The following PDZD2 variants were observed in gnomAD, a reference collection of about 807,000 sequenced individuals.
The protein encoded by PDZD2 is PDZ domain containing 2, also known as PDZ domain-containing protein 2.
Under a neutral mutation model 220.7 loss-of-function variants are expected in PDZD2, and 90 were observed. That is an observed-to-expected ratio of 0.41 (90% confidence interval 0.34 to 0.49). The LOEUF (loss-of-function observed/expected upper bound fraction) is 0.49, where lower values mean the gene tolerates loss of function less well. Among genes scored for constraint, PDZD2 ranks in the 20% least tolerant of loss-of-function variants. The probability of loss-of-function intolerance (pLI) is 0.28; values close to 1 mark genes in which losing one functional copy is unlikely to be tolerated. For synonymous variants in PDZD2, 1,375 were observed against 1,450.5 expected (o/e 0.95, Z 1.18); for missense variants, 3,174 against 3,608.5 (o/e 0.88, Z 3.08).
chr5:32,108,288 C>CTGTA lies in PDZD2; in HGVS notation c.*157_*160dup, dbSNP rs1267791000. 7.6e-6 allele frequency: 4 copies of CTGTA among 524,426 alleles called. No individual in the cohort carries two copies. The highest frequency in any genetic ancestry group is 5.8e-5 in the African/African-American group (3 of 51,706). 32.5% of individuals were successfully genotyped at this position (524,426 alleles called of 1,614,324 possible). A position where few individuals can be genotyped will look rare whatever the true frequency, so the allele number is the denominator to read the frequency against. ...TGCTTACACATGAAGCCTGACTTAA[C>CTGTA]TGTATGTGCAACAGCAATGAAATTA... On this transcript the variant is annotated 3_prime_UTR_variant, in exon 25 of 25. Transcript: ENST00000438447.
intron 2 of PDZD2, among the ~76,000 whole-genome samples, chr5:31,818,068 C>G (rs1755586520): frequency 6.7e-6 from 1 of 150,344 alleles, no homozygotes; most frequent in Admixed American, 6.7e-5. Context: ...TTCCCGGACT[C>G]AGGTGATCCT....
Position 31,913,562 on chromosome 5 carries a change from C to T in PDZD2, c.477-69593C>T, listed in dbSNP as rs527825173. On this transcript the variant is annotated intron_variant, in intron 2 of 24. Transcript: ENST00000438447. ...CTGATTCATACTATTATAATGTTAA[C>T]TTCTGGGCATTTCTAGAAGCCATGA... 1.3e-4 allele frequency among the ~76,000 whole-genome samples: 20 copies of T among 152,228 alleles called. 1 individual carries two copies. In the South Asian group the frequency reaches 4.2e-3, roughly 32 times the overall value.
chr5:31,680,412 C>T (rs1746604631), intron 1 of PDZD2, among the ~76,000 whole-genome samples: 2 of 152,122 alleles, frequency 1.3e-5, no homozygotes, highest in Admixed American at 6.6e-5. Flanking sequence ...GTTCTGGGCT[C>T]AAATAAAATT....
At chr5:31,768,876 C>T (rs1018843481) in intron 1 of PDZD2, among the ~76,000 whole-genome samples, 2 of 152,176 alleles carry the variant, frequency 1.3e-5, no homozygotes, top group Non-Finnish European at 2.9e-5. Flanking sequence ...GCTCCAACTT[C>T]GCTGTGGTAA....
At chr5:31,682,413 A>G (rs1340067301) in intron 1 of PDZD2, among the ~76,000 whole-genome samples, 1 of 152,202 alleles carries the variant, frequency 6.6e-6, no homozygotes, top group Admixed American at 6.5e-5. Context: ...CTGGCTTCCA[A>G]TAAAGGTGGT....
chr5:31,684,301 T>C (rs1181191158), intron 1 of PDZD2, among the ~76,000 whole-genome samples: 2 of 152,202 alleles, frequency 1.3e-5, no homozygotes, highest in Non-Finnish European at 2.9e-5. Flanking sequence ...TCTTGATTGA[T>C]GGTGCCATCA....
intron 1 of PDZD2, among the ~76,000 whole-genome samples, chr5:31,655,536 C>A (rs1745515459): frequency 7.4e-6 from 1 of 135,996 alleles, no homozygotes. Flanking sequence ...CTCGCCATTA[C>A]CATGTAAAAT....
At chr5:31,745,551 T>TG (rs1398230146) in intron 1 of PDZD2, among the ~76,000 whole-genome samples, 25 of 152,332 alleles carry the variant, frequency 1.6e-4, no homozygotes, top group African/African-American at 5.5e-4. Context: ...CCAAATCACC[T>TG]TCGCTCATGC....
At chr5:31,922,904 T>G (rs539245250) in intron 2 of PDZD2, among the ~76,000 whole-genome samples, 10 of 140,518 alleles carry the variant, frequency 7.1e-5, no homozygotes, top group African/African-American at 1.5e-4. Flanking sequence ...GGTCTTGAAC[T>G]CCTGACCTCT....
intron 1 of PDZD2, among the ~76,000 whole-genome samples, chr5:31,783,647 T>A (rs963191541): frequency 6.6e-6 from 1 of 151,998 alleles, no homozygotes; most frequent in Non-Finnish European, 1.5e-5. Flanking sequence ...TAATGGCCAT[T>A]TTGCTAATCT....
intron 2 of PDZD2, chr5:31,854,937 C>G: frequency 1.0e-6 from 1 of 984,182 alleles, no homozygotes; most frequent in Non-Finnish European, 1.2e-6. Flanking sequence ...TCCCACAGAC[C>G]TGGAGCCGGC....
At chr5:31,708,143 G>T (rs1747912980) in intron 1 of PDZD2, among the ~76,000 whole-genome samples, 1 of 151,360 alleles carries the variant, frequency 6.6e-6, no homozygotes, top group South Asian at 2.1e-4. Flanking sequence ...TTCAATTTTG[G>T]TCTGGCGTTT....
At position 32,092,818 on chromosome 5, in the gene PDZD2, T is replaced by C. The variant is rs1015069943; in HGVS notation, c.7728-89T>C. On this transcript the variant is annotated intron_variant, in intron 20 of 24. Coordinates refer to ENST00000438447, the MANE Select transcript of PDZD2 (RefSeq NM_178140.4). Reference sequence around the variant, plus strand: ...AAAATACCTGTTCTCTTTTGTATAGTAGAAAGGAGATCATTTTAAATGCAT... The same window carrying C: ...AAAATACCTGTTCTCTTTTGTATAGCAGAAAGGAGATCATTTTAAATGCAT... The C allele has an allele frequency of 1.4e-5, 9 of 646,972 alleles. No homozygotes were observed. In the East Asian group the frequency reaches 2.3e-4, roughly 17 times the overall value. 40.1% of individuals were successfully genotyped at this position (646,972 alleles called of 1,614,324 possible).
At chr5:32,002,967 AACACACACACACC>A (rs1752375632) in intron 5 of PDZD2, among the ~76,000 whole-genome samples, 1 of 88,912 alleles carries the variant, frequency 1.1e-5, no homozygotes, top group Non-Finnish European at 2.2e-5. Context: ...CACACACACC[AACACACACACACC>A]ACACACACCC....
intron 1 of PDZD2, among the ~76,000 whole-genome samples, chr5:31,769,595 T>A (rs1222921644): frequency 6.6e-6 from 1 of 152,232 alleles, no homozygotes; most frequent in Non-Finnish European, 1.5e-5. Flanking sequence ...TTGGCTTTTA[T>A]TTTTAAATTG....
At chr5:32,094,513 G>A in intron 21 of PDZD2, among the ~76,000 whole-genome samples, 1 of 152,086 alleles carries the variant, frequency 6.6e-6, no homozygotes, top group East Asian at 1.9e-4. Flanking sequence ...ACCTAGTAAG[G>A]AGTTGGCCAG....
intron 1 of PDZD2, among the ~76,000 whole-genome samples, chr5:31,757,089 G>A (rs530183165): frequency 1.3e-5 from 2 of 152,050 alleles, no homozygotes; most frequent in Admixed American, 1.3e-4. Flanking sequence ...TTTGAGACCA[G>A]TCTAAGCAAC....
chr5:32,045,094 G>A (rs1389847960), intron 7 of PDZD2, among the ~76,000 whole-genome samples: 1 of 152,186 alleles, frequency 6.6e-6, no homozygotes, highest in Non-Finnish European at 1.5e-5. Flanking sequence ...GATGACAAGT[G>A]CCTCCCTGTC....
chr5:31,683,207 TAAA>T lies in PDZD2; in HGVS notation c.-361+43786_-361+43788del, dbSNP rs35467814. On this transcript the variant is annotated intron_variant, in intron 1 of 24. Transcript: ENST00000438447. The stretch of plus-strand genomic sequence containing the variant: ...CAAAATCTCAGTGAGATCAGAATGT[TAAA>T]AAAAAAAAAAAAAAAGAAAGAAAGA... Among the ~76,000 whole-genome samples the T allele has an allele frequency of 3.5e-3, 452 of 129,026 alleles. 1 individual carries two copies. Among genetic ancestry groups the T allele is most frequent in the Admixed American group, 4.9e-3 (61 of 12,324 alleles). 84.6% of individuals were successfully genotyped at this position (129,026 alleles called of 152,430 possible).
Sources: allele counts gnomAD v4.1 joint callset (sites outside exome capture counted in the v4.1 genomes callset), GRCh38; gene constraint gnomAD v4.1.1; transcripts MANE v1.5; gene names NCBI Gene and HGNC (gene_info 2026-07-23, HGNC 2026-07-21).